Variants in ADAMTS2 observed in about 807,000 individuals in gnomAD.
ADAMTS2 encodes ADAM metallopeptidase with thrombospondin type 1 motif 2, also known as A disintegrin and metalloproteinase with thrombospondin motifs 2.
In ADAMTS2, 50 loss-of-function variants were observed where a neutral mutation model predicts 123.0. The ratio of observed to expected loss-of-function variants is 0.41; its 90% CI spans 0.32 to 0.51. The LOEUF (loss-of-function observed/expected upper bound fraction) is 0.51, where lower values mean the gene tolerates loss of function less well. Ranked by LOEUF, ADAMTS2 falls within the 20% of genes least tolerant of loss-of-function variation. The pLI is 0.35. For missense variants in ADAMTS2, 1,494 were observed against 1,705.2 expected (o/e 0.88, Z 2.18); for synonymous variants, 678 against 695.4 (o/e 0.98, Z 0.39).
chr5:179,278,493 C>A (rs1318096464), intron 2 of ADAMTS2, among the ~76,000 whole-genome samples: 1 of 152,100 alleles, frequency 6.6e-6, no homozygotes, highest in East Asian at 1.9e-4. Flanking sequence ...CCTCTCCCCA[C>A]TCAATAAATA....
At chr5:179,178,820 C>T (rs1427576899) in intron 5 of ADAMTS2, among the ~76,000 whole-genome samples, 1 of 152,138 alleles carries the variant, frequency 6.6e-6, no homozygotes, top group African/African-American at 2.4e-5. Flanking sequence ...TAATGTGTGT[C>T]GAACATATCA....
At chr5:179,263,375 C>A (rs394081) in intron 3 of ADAMTS2, among the ~76,000 whole-genome samples, 1 of 149,298 alleles carries the variant, frequency 6.7e-6, no homozygotes, top group Non-Finnish European at 1.5e-5. Context: ...TGGGGAGCAG[C>A]ATTATTCCCC....
chr5:179,136,083 G>C, intron 12 of ADAMTS2, 41 bp from the exon 13 acceptor site: 1 of 1,612,880 alleles, frequency 6.2e-7, no homozygotes. Flanking sequence ...GAGCCCTGAT[G>C]GCTTCCCCAT....
chr5:179,295,731 T>C (rs1178452731), intron 2 of ADAMTS2, among the ~76,000 whole-genome samples: 3 of 152,172 alleles, frequency 2.0e-5, no homozygotes, highest in South Asian at 2.1e-4. Context: ...GCCCCGTCCA[T>C]GGCGGCTGGG....
chr5:179,322,695 G>A (rs991411711), intron 2 of ADAMTS2, among the ~76,000 whole-genome samples: 30 of 152,332 alleles, frequency 2.0e-4, no homozygotes, highest in Admixed American at 4.6e-4. Context: ...CGAGGGCCTC[G>A]GCAGCTCCGC....
rs147652686 is a variant in ADAMTS2, at chr5:179,192,827, C to T, written c.892-11672G>A. ...TCCTGGCACCATCGTGATCTCCAGTCGCCTTCGTTTGTTAGCTGTCTGTCC... is the reference window on the plus strand; with the variant it reads ...TCCTGGCACCATCGTGATCTCCAGTTGCCTTCGTTTGTTAGCTGTCTGTCC... On this transcript the variant is annotated intron_variant, in intron 4 of 21. Coordinates refer to ENST00000251582, the MANE Select transcript of ADAMTS2 (RefSeq NM_014244.5). 1.8e-4 allele frequency among the ~76,000 whole-genome samples: 28 copies of T among 152,288 alleles called. No individual in the cohort carries two copies. In the East Asian group the frequency reaches 4.8e-3, roughly 26 times the overall value.
rs180917641 is a variant in ADAMTS2 at position 179,158,632 on chromosome 5, T to G, written c.1132+91A>C. 1.9e-6 allele frequency: 3 copies of G among 1,576,642 alleles called. No individual in the cohort carries two copies. The highest frequency in any genetic ancestry group is 2.7e-5 in the African/African-American group (2 of 74,354). On this transcript the variant is annotated intron_variant, in intron 6 of 21. Coordinates refer to ENST00000251582, the MANE Select transcript of ADAMTS2 (RefSeq NM_014244.5). This position sits in a 1 kb window ranked among gnomAD's most constrained non-coding sequence, Gnocchi z 5.0. The stretch of plus-strand genomic sequence containing the variant: ...CCTTCCCTGCCCTGACACTCTTCCC[T>G]GGGCTGGGCCAAGGCTCCCGGGGCC...
At chr5:179,240,508 C>T (rs1488489057) in intron 3 of ADAMTS2, among the ~76,000 whole-genome samples, 1 of 152,092 alleles carries the variant, frequency 6.6e-6, no homozygotes, top group Non-Finnish European at 1.5e-5. Flanking sequence ...CAAAAGGGAA[C>T]CGGGAAAATA....
Position 179,128,059 on chromosome 5 carries a change from G to C in ADAMTS2, c.2517C>G (p.Asp839Glu). 1 of 1,614,052 alleles carries C rather than the reference G, an allele frequency of 6.2e-7. No individual in the cohort carries two copies. Among genetic ancestry groups the C allele is most frequent in the Non-Finnish European group, 8.5e-7 (1 of 1,180,022 alleles). ...SLTYKYMIHE[D>E]SLNVDDNNVL... ...CGTTGTTGTCGTCGACATTCAGTGA[G>C]TCCTCATGGATCATGTATTTGTACG... Residue 839 changes from aspartate to glutamate, a missense_variant, in exon 17 of 22, where the codon GAC becomes GAG. This residue lies in a region of ADAMTS2 where 953 missense variants were observed against 1,124.7 expected (regional missense o/e 0.85). Coordinates refer to ENST00000251582, the MANE Select transcript of ADAMTS2 (RefSeq NM_014244.5). This position sits in a 1 kb window ranked among gnomAD's most constrained non-coding sequence, Gnocchi z 4.9.
At chr5:179,171,142 G>A (rs771793581) in intron 5 of ADAMTS2, among the ~76,000 whole-genome samples, 6 of 152,180 alleles carry the variant, frequency 3.9e-5, no homozygotes, top group Non-Finnish European at 5.9e-5. Flanking sequence ...CATTTATAAC[G>A]TATGGTACGG....
At position 179,301,621 on chromosome 5, in the gene ADAMTS2, A is replaced by C. The variant is rs1182279010; in HGVS notation, c.535-28557T>G. 2.0e-5 allele frequency among the ~76,000 whole-genome samples: 3 copies of C among 152,254 alleles called. No individual in the cohort carries two copies. In the East Asian group the frequency reaches 5.8e-4, roughly 29 times the overall value. On this transcript the variant is annotated intron_variant, in intron 2 of 21. Transcript: ENST00000251582. ...CGCAGGGAGACAAGGCTGTGTGCACAGATCTCTCTCCACTGGGCAGCACCT... is the reference window on the plus strand; with the variant it reads ...CGCAGGGAGACAAGGCTGTGTGCACCGATCTCTCTCCACTGGGCAGCACCT...
intron 2 of ADAMTS2, among the ~76,000 whole-genome samples, chr5:179,278,301 A>G (rs1766801116): frequency 2.0e-5 from 3 of 151,768 alleles, no homozygotes; most frequent in Non-Finnish European, 4.4e-5. Flanking sequence ...ATTTTCAAAC[A>G]CTTCAGTATA....
At chr5:179,253,523 G>C (rs1262187010) in intron 3 of ADAMTS2, among the ~76,000 whole-genome samples, 1 of 151,938 alleles carries the variant, frequency 6.6e-6, no homozygotes, top group Non-Finnish European at 1.5e-5. Flanking sequence ...GCACATGCCT[G>C]TAATCCCAGC....
chr5:179,121,279 A>C (rs4701052), intron 21 of ADAMTS2: 148,664 of 159,610 alleles, frequency 0.93, 69,352 homozygotes, highest in East Asian at 1. Context: ...GCCGGGAAGC[A>C]CCTGGCAGTG....
chr5:179,140,974 A>ATT lies in ADAMTS2; in HGVS notation c.1630-941_1630-940dup, dbSNP rs199790194. Among the ~76,000 whole-genome samples the ATT allele has an allele frequency of 1.5e-3, 211 of 143,106 alleles. 1 individual carries two copies. The highest frequency in any genetic ancestry group is 5.0e-3 in the African/African-American group (199 of 39,412). The allele number at this position is 143,106 out of a possible 152,430, so 93.9% of individuals were successfully genotyped here. Reference sequence around the variant, plus strand: ...ACCACCACCCCCAGCTAATTTTTGCATTTTTTTTTTTTTTATTTTTAGTAG... The same window carrying ATT: ...ACCACCACCCCCAGCTAATTTTTGCATTTTTTTTTTTTTTTTATTTTTAGTAG... On this transcript the variant is annotated intron_variant, in intron 10 of 21. Transcript: ENST00000251582.
At chr5:179,269,949 C>A (rs956910331) in intron 3 of ADAMTS2, among the ~76,000 whole-genome samples, 1 of 152,162 alleles carries the variant, frequency 6.6e-6, no homozygotes, top group East Asian at 1.9e-4. Context: ...CTGAGCAGGA[C>A]CCTTCTGCCA....
In ADAMTS2 at chr5:179,163,818, C is replaced by G. The variant is rs1581162958; in HGVS notation, c.976-4939G>C. Among the ~76,000 whole-genome samples the G allele has an allele frequency of 2.0e-5, 3 of 152,234 alleles. No homozygotes were observed. In the South Asian group the frequency reaches 6.2e-4, roughly 31 times the overall value. On this transcript the variant is annotated intron_variant, in intron 5 of 21. Coordinates refer to ENST00000251582, the MANE Select transcript of ADAMTS2 (RefSeq NM_014244.5). ...GAAGGCAGCCTGCCACTTTCGTTCT[C>G]CAACCCCAAGGAGGTTGTGCTGCAG...
chr5:179,288,002 G>C (rs984720456), intron 2 of ADAMTS2, among the ~76,000 whole-genome samples: 3 of 152,242 alleles, frequency 2.0e-5, no homozygotes, highest in African/African-American at 7.2e-5. Context: ...GCAGTTGAGA[G>C]TTGATGGTGA....
intron 13 of ADAMTS2, among the ~76,000 whole-genome samples, chr5:179,135,009 G>GC (rs1763037201): frequency 8.6e-6 from 1 of 116,864 alleles, no homozygotes; most frequent in South Asian, 2.9e-4. Context: ...CCCGGCTCCA[G>GC]TCCCCAGCTC....
Sources: allele counts gnomAD v4.1 joint callset (sites outside exome capture counted in the v4.1 genomes callset), GRCh38; gene constraint gnomAD v4.1.1; regional missense constraint gnomAD v4.1.1; non-coding constraint Gnocchi (gnomAD v3.1); transcripts MANE v1.5; gene names NCBI Gene and HGNC (gene_info 2026-07-23, HGNC 2026-07-21).